EDEM1: variants seen among roughly 807,000 people sequenced by gnomAD.
EDEM1 encodes ER degradation enhancing alpha-mannosidase like protein 1, also known as ER degradation-enhancing alpha-mannosidase-like protein 1.
A neutral mutation model predicts 74.4 loss-of-function variants in EDEM1; 67 were observed. The ratio of observed to expected loss-of-function variants is 0.90; its 90% CI spans 0.74 to 1.10. The LOEUF is 1.10. Among genes scored for constraint, EDEM1 ranks in the 50% least tolerant of loss-of-function variants. EDEM1 has a pLI of 0.00. For synonymous variants in EDEM1, 382 were observed against 335.9 expected (o/e 1.14, Z -1.50); for missense variants, 926 against 851.6 (o/e 1.09, Z -1.09).
intron 1 of EDEM1, among the ~76,000 whole-genome samples, chr3:5,190,209 T>C (rs1247849410): frequency 6.6e-6 from 1 of 152,232 alleles, no homozygotes; most frequent in Non-Finnish European, 1.5e-5. Flanking sequence ...TATGTGTACA[T>C]ATTTTGGATC....
At position 5,218,564 on chromosome 3, in the gene EDEM1, C is replaced by T. The variant is rs1002931575; in HGVS notation, c.*2646C>T. The T allele has an allele frequency of 2.6e-5, 4 of 152,068 alleles. No homozygotes were observed. The highest frequency in any genetic ancestry group is 7.3e-5 in the African/African-American group (3 of 41,372). The allele number at this position is 152,068 out of a possible 1,614,324, so 9.4% of individuals were successfully genotyped here. A position where few individuals can be genotyped will look rare whatever the true frequency, so the allele number is the denominator to read the frequency against. ...CCTTTGCGGCGGCTCTGAGCCTGGC[C>T]CATCTTCCTATTCCCACGTGTAGCT... On this transcript the variant is annotated 3_prime_UTR_variant, in exon 12 of 12. Coordinates refer to ENST00000256497, the MANE Select transcript of EDEM1 (RefSeq NM_014674.3).
At chr3:5,197,014 C>G (rs1235108891) in intron 2 of EDEM1, among the ~76,000 whole-genome samples, 2 of 148,010 alleles carry the variant, frequency 1.4e-5, no homozygotes, top group Non-Finnish European at 3.0e-5. Flanking sequence ...CTTCAACCTT[C>G]AGCTCCTGGG....
chr3:5,213,198 G>T, intron 10 of EDEM1, 121 bp from the exon 11 acceptor site: 3 of 951,682 alleles, frequency 3.2e-6, no homozygotes, highest in South Asian at 3.5e-5. Flanking sequence ...TCACCCAGTT[G>T]TCACTGAGAA....
intron 11 of EDEM1, among the ~76,000 whole-genome samples, chr3:5,214,774 C>G (rs2055210399): frequency 6.6e-6 from 1 of 152,160 alleles, no homozygotes; most frequent in East Asian, 1.9e-4. Context: ...GGAGACATCT[C>G]TGACCTGCCA....
At chr3:5,211,466 T>G (rs2055166812) in intron 10 of EDEM1, 1 of 428,790 alleles carries the variant, frequency 2.3e-6, no homozygotes, top group African/African-American at 2.0e-5. Flanking sequence ...GAAATCCTGG[T>G]AACGATTGAT....
At chr3:5,194,122 G>A (rs2054934364) in intron 1 of EDEM1, among the ~76,000 whole-genome samples, 2 of 152,224 alleles carry the variant, frequency 1.3e-5, no homozygotes, top group Admixed American at 6.5e-5. Context: ...GGTGAGATAA[G>A]GACCCATTAG....
chr3:5,199,739 T>C (rs1443102380), intron 3 of EDEM1, 44 bp downstream of exon 3: 2 of 1,543,206 alleles, frequency 1.3e-6, no homozygotes, highest in Admixed American at 1.9e-5. Context: ...GACTTCTTTT[T>C]ATGTGTTTAA....
In EDEM1 at chr3:5,202,990, C is replaced by G. The variant is rs201116344; in HGVS notation, c.883C>G (p.Pro295Ala). ...GGTGAATCTAAAGACAGGAGTTCCT[C>G]CTGACACCAATAATGAGACATGCAC... ...PRVNLKTGVP[P>A]DTNNETCTAG... The change falls in exon 5 of 12, where the codon CCT becomes GCT. Residue 295 changes from proline (P) to alanine (A), a missense_variant. Physicochemically the swap from Pro to Ala is conservative, Grantham distance 27. Coordinates refer to ENST00000256497, the MANE Select transcript of EDEM1 (RefSeq NM_014674.3). 154 of 1,613,558 alleles carry G rather than the reference C, an allele frequency of 9.5e-5. 1 individual carries two copies. Among genetic ancestry groups the G allele is most frequent in the Non-Finnish European group, 1.8e-5 (21 of 1,179,810 alleles).
chr3:5,213,253 GC>G, intron 10 of EDEM1, 65 bp from the exon 11 acceptor site: 2 of 1,475,048 alleles, frequency 1.4e-6, no homozygotes, highest in Non-Finnish European at 1.8e-6. Flanking sequence ...GCTGGGACAC[GC>G]CCCCATGATT....
intron 8 of EDEM1, 84 bp from the exon 9 acceptor site, chr3:5,210,091 G>A: frequency 8.1e-7 from 1 of 1,227,390 alleles, no homozygotes; most frequent in South Asian, 1.2e-5. Flanking sequence ...GTCTCCATGG[G>A]GAAGCCCCGC....
At chr3:5,215,525 G>A (rs147572399) in intron 11 of EDEM1, among the ~76,000 whole-genome samples, 4 of 152,304 alleles carry the variant, frequency 2.6e-5, no homozygotes, top group African/African-American at 9.6e-5. Context: ...TAAAGTGAGT[G>A]AGGATGTTAA....
At chr3:5,195,623 AAG>A (rs993214326) in intron 2 of EDEM1, among the ~76,000 whole-genome samples, 1 of 152,184 alleles carries the variant, frequency 6.6e-6, no homozygotes, top group African/African-American at 2.4e-5. Flanking sequence ...CCAGGAGTAA[AAG>A]AGAGAAGATC....
chr3:5,215,745 A>G, intron 11 of EDEM1, 84 bp from the exon 12 acceptor site: 1 of 1,289,470 alleles, frequency 7.8e-7, no homozygotes, highest in Middle Eastern at 1.8e-4. Context: ...ACAGGCTGAG[A>G]AACCCTGGAT....
chr3:5,208,676 T>C (rs747526964), intron 8 of EDEM1, among the ~76,000 whole-genome samples: 14 of 151,986 alleles, frequency 9.2e-5, no homozygotes, highest in Non-Finnish European at 1.8e-4. Flanking sequence ...AGAAAATTCA[T>C]TTTCTTGGTT....
Position 5,217,594 on chromosome 3 carries a change from A to G in EDEM1, c.*1676A>G, listed in dbSNP as rs1407432967. On this transcript the variant is annotated 3_prime_UTR_variant, in exon 12 of 12. Coordinates refer to ENST00000256497, the MANE Select transcript of EDEM1 (RefSeq NM_014674.3). Reference sequence around the variant, plus strand: ...TTTTGAAAAGAGTATTTTCAGTAATAAACGTGCCATCTCTATCTCTTAAAC... The same window carrying G: ...TTTTGAAAAGAGTATTTTCAGTAATGAACGTGCCATCTCTATCTCTTAAAC... The G allele has an allele frequency of 6.6e-6, 1 of 152,648 alleles. No individual in the cohort carries two copies. The highest frequency in any genetic ancestry group is 1.9e-4 in the East Asian group (1 of 5,204). 9.5% of individuals were successfully genotyped at this position (152,648 alleles called of 1,614,324 possible). A position where few individuals can be genotyped will look rare whatever the true frequency, so the allele number is the denominator to read the frequency against.
chr3:5,195,317 G>A, intron 2 of EDEM1, 36 bp downstream of exon 2: 1 of 1,399,544 alleles, frequency 7.1e-7, no homozygotes. Context: ...AATGAATTAA[G>A]ATGTTTTAGA....
chr3:5,203,084 A>T lies in EDEM1; in HGVS notation c.977A>T (p.Glu326Val). ...LSRLLGDSTFEWVARRAVKAL... is the reference protein window; with the variant it reads ...LSRLLGDSTFVWVARRAVKAL... ...CGACTCCTGGGGGACTCCACATTTG[A>T]GTGGGTGGCCAGACGAGCAGTGAAA... is the stretch of plus-strand genomic sequence containing the variant. The change falls in exon 5 of 12, where the codon GAG (glutamate) becomes GTG (valine). Residue 326 changes from glutamate (E) to valine (V), a missense_variant. By Grantham distance (121) the Glu-to-Val change is moderately radical. Coordinates refer to ENST00000256497, the MANE Select transcript of EDEM1 (RefSeq NM_014674.3). 6.2e-7 allele frequency: 1 copy of T among 1,612,548 alleles called. No homozygotes were observed. Among genetic ancestry groups the T allele is most frequent in the Non-Finnish European group, 8.5e-7 (1 of 1,179,426 alleles).
chr3:5,199,280 C>A (rs755237494), intron 2 of EDEM1, among the ~76,000 whole-genome samples: 3 of 152,166 alleles, frequency 2.0e-5, no homozygotes, highest in African/African-American at 7.2e-5. Context: ...CAATGCCTGG[C>A]ATGTTAAATA....
In EDEM1 at chr3:5,217,512, T is replaced by C. The variant is rs1324750588; in HGVS notation, c.*1594T>C. On this transcript the variant is annotated 3_prime_UTR_variant, in exon 12 of 12. Coordinates refer to ENST00000256497, the MANE Select transcript of EDEM1 (RefSeq NM_014674.3). ...ATTTTTAGTCAAAAGGGAGAAATCT[T>C]ATTCCTTCTTGAAAATTTTAAGTGT... 1 of 152,662 alleles carries C rather than the reference T, an allele frequency of 6.6e-6. No individual in the cohort carries two copies. The highest frequency in any genetic ancestry group is 2.4e-5 in the African/African-American group (1 of 41,458). The allele number at this position is 152,662 out of a possible 1,614,324, so 9.5% of individuals were successfully genotyped here. A position where few individuals can be genotyped will look rare whatever the true frequency, so the allele number is the denominator to read the frequency against.
Sources: gnomAD v4.1 joint callset for allele counts (sites outside exome capture counted in the v4.1 genomes callset) on GRCh38, gnomAD v4.1.1 for gene constraint, MANE v1.5 for transcripts, NCBI Gene and HGNC (gene_info 2026-07-23, HGNC 2026-07-21) for gene names.